The following ITIH3 variants were observed in gnomAD, a reference collection of about 807,000 sequenced individuals.
ITIH3 encodes the protein inter-alpha-trypsin inhibitor heavy chain 3.
Under a neutral mutation model 96.5 loss-of-function variants are expected in ITIH3, and 81 were observed. That is an observed-to-expected ratio of 0.84 (90% CI 0.70 to 1.01). ITIH3 has a LOEUF of 1.01. ITIH3 is among the 50% of genes least tolerant of loss of function. The pLI, the probability that ITIH3 is intolerant of heterozygous loss-of-function variation, is 0.00. For synonymous variants in ITIH3, 422 were observed against 445.2 expected, an observed-to-expected ratio of 0.95 and a Z score of 0.66; for missense variants, 1,057 against 1,139.3, an observed-to-expected ratio of 0.93 and a Z score of 1.04.
chr3:52,807,758 T>C lies in ITIH3; in HGVS notation c.2273T>C (p.Met758Thr). The C allele has an allele frequency of 6.2e-7, 1 of 1,610,960 alleles. No homozygotes were observed. The highest frequency in any genetic ancestry group is 8.5e-7 in the Non-Finnish European group (1 of 1,178,644). ...VTVTQDGLSM[M>T]INRKNMVVSF... ...GCTTCCTCTCGTAGGCTGTCCATGA[T>C]GATCAACAGGAAGAACATGGTGGTC... Residue 758 changes from methionine (M) to threonine (T), a missense_variant, in exon 20 of 22, where the codon ATG (methionine) becomes ACG (threonine). Met to Thr is a moderately conservative substitution (Grantham distance 81). Transcript: ENST00000449956.
intron 6 of ITIH3, among the ~76,000 whole-genome samples, chr3:52,798,372 G>T (rs1201059429): frequency 6.6e-6 from 1 of 152,210 alleles, no homozygotes; most frequent in Non-Finnish European, 1.5e-5. Flanking sequence ...AGTGGACAGT[G>T]GGTGAATAAA....
In ITIH3 at chr3:52,804,717, C is replaced by T; in HGVS notation, c.1865-9C>T. On this transcript the variant is annotated splice_polypyrimidine_tract_variant and intron_variant, in intron 14 of 21. Transcript: ENST00000449956. ...CATTTCTCTTCTTCCTCCCTTGCTG[C>T]ACCTGCAGATGCAGAAGGTAAGCCT... 1 of 1,584,800 alleles carries T rather than the reference C, an allele frequency of 6.3e-7. No individual in the cohort carries two copies. The highest frequency in any genetic ancestry group is 1.3e-5 in the African/African-American group (1 of 74,534).
Position 52,808,672 on chromosome 3 carries a change from C to T in ITIH3, c.2664C>T (p.Asn888=), listed in dbSNP as rs767019355. 4 of 1,609,536 alleles carry T rather than the reference C, an allele frequency of 2.5e-6. No individual in the cohort carries two copies. The African/African-American group carries it at 5.3e-5, about 22-fold the overall frequency. The stretch of plus-strand genomic sequence containing the variant: ...TCCACACTGACTACATTGTCCCCAA[C>T]CTGTTTTGAGTAGACACACCAGCTC... ...DGVHTDYIVP[N]LF is the part of the protein sequence containing the mutation. The change falls in exon 22 of 22, where the codon AAC becomes AAT. Residue 888 remains asparagine, a synonymous_variant. Coordinates refer to ENST00000449956, the MANE Select transcript of ITIH3 (RefSeq NM_002217.4).
At chr3:52,806,184 G>A (rs780908502) in intron 17 of ITIH3, 46 bp downstream of exon 17, 19 of 1,598,146 alleles carry the variant, frequency 1.2e-5, no homozygotes, top group South Asian at 6.7e-5. Context: ...GCCTGGGCAC[G>A]TGCTCCTGCC....
Position 52,796,823 on chromosome 3 carries a change from C to A in ITIH3, c.366C>A (p.Gly122=). The change falls in exon 4 of 22, where the codon GGC becomes GGA. Residue 122 remains glycine, a synonymous_variant. Coordinates refer to ENST00000449956, the MANE Select transcript of ITIH3 (RefSeq NM_002217.4). Reference sequence around the variant, plus strand: ...AGTATGAAAAGGCTGTGTCCCAGGGCAAGACGGCCGGCTTGGTCAAGTAAG... The same window carrying A: ...AGTATGAAAAGGCTGTGTCCCAGGGAAAGACGGCCGGCTTGGTCAAGTAAG... ...KKQYEKAVSQ[G]KTAGLVKASG... is the part of the protein sequence containing the mutation. 6.2e-7 allele frequency: 1 copy of A among 1,610,266 alleles called. No homozygotes were observed. The highest frequency in any genetic ancestry group is 8.5e-7 in the Non-Finnish European group (1 of 1,178,434).
At chr3:52,795,960 G>T in intron 2 of ITIH3, 2 of 336,310 alleles carry the variant, frequency 5.9e-6, no homozygotes, top group Non-Finnish European at 1.1e-5. Context: ...GGGGGAGGGG[G>T]CTGGAACACC....
At chr3:52,806,238 C>A in intron 17 of ITIH3, 55 bp from the exon 18 acceptor site, 1 of 1,596,784 alleles carries the variant, frequency 6.3e-7, no homozygotes, top group Admixed American at 1.7e-5. Flanking sequence ...CTGGGGGAGG[C>A]CCCAGGTATG....
chr3:52,799,988 AC>A (rs1164815106), intron 9 of ITIH3, 67 bp downstream of exon 9: 13 of 1,497,010 alleles, frequency 8.7e-6, no homozygotes, highest in Non-Finnish European at 1.2e-5. Flanking sequence ...GCAGCCTGCA[AC>A]CCCCCTCTTA....
Position 52,807,109 on chromosome 3 carries a change from A to G in ITIH3, c.2261+4A>G. 1 of 1,582,976 alleles carries G rather than the reference A, an allele frequency of 6.3e-7. No individual in the cohort carries two copies. Among genetic ancestry groups the G allele is most frequent in the Non-Finnish European group, 8.6e-7 (1 of 1,164,892 alleles). On this transcript the variant is annotated splice_donor_region_variant and intron_variant, in intron 19 of 21. Coordinates refer to ENST00000449956, the MANE Select transcript of ITIH3 (RefSeq NM_002217.4). ...CAGTCACAGTCACGCAGGATGGGTA[A>G]GCTCCCCTACAAGGTCTCCAAGGTG...
At position 52,802,722 on chromosome 3, in the gene ITIH3, C is replaced by A; in HGVS notation, c.1625C>A (p.Ala542Asp). ...EEVDMKEMEK[A>D]LQERDYIFGN... ...GTGGACATGAAGGAGATGGAGAAGG[C>A]CCTGCAGGAGCGGGACTACATCTTC... Residue 542 changes from alanine to aspartate, a missense_variant, in exon 13 of 22, where the codon GCC becomes GAC. By Grantham distance (126) the Ala-to-Asp change is moderately radical. Coordinates refer to ENST00000449956, the MANE Select transcript of ITIH3 (RefSeq NM_002217.4). The A allele has an allele frequency of 6.2e-7, 1 of 1,613,978 alleles. No individual in the cohort carries two copies. Among genetic ancestry groups the A allele is most frequent in the Non-Finnish European group, 8.5e-7 (1 of 1,179,874 alleles).
chr3:52,795,361 G>T (rs1248056677), intron 1 of ITIH3, among the ~76,000 whole-genome samples: 1 of 152,214 alleles, frequency 6.6e-6, no homozygotes, highest in East Asian at 1.9e-4. Flanking sequence ...AGTTCCCCCT[G>T]CCCTGCTCTC....
chr3:52,802,093 C>CTT (rs5848961), intron 11 of ITIH3: 2,584 of 407,152 alleles, frequency 6.3e-3, no homozygotes, highest in Middle Eastern at 0.013. Context: ...TTTCATATTT[C>CTT]TTTTTTTTTT....
At chr3:52,796,960 C>A in intron 4 of ITIH3, 117 bp downstream of exon 4, 2 of 1,210,560 alleles carry the variant, frequency 1.7e-6, no homozygotes, top group South Asian at 1.5e-5. Context: ...ATAATTTTGC[C>A]ATTATCCCAC....
At chr3:52,802,928 G>A in intron 13 of ITIH3, 122 bp downstream of exon 13, 4 of 1,198,064 alleles carry the variant, frequency 3.3e-6, no homozygotes, top group Non-Finnish European at 4.7e-6. Flanking sequence ...AGTGTCTGTA[G>A]AGCAGTCTGT....
intron 11 of ITIH3, 86 bp downstream of exon 11, chr3:52,801,232 T>C (rs1456898163): frequency 1.6e-6 from 2 of 1,226,142 alleles, no homozygotes; most frequent in Non-Finnish European, 2.2e-6. Flanking sequence ...TTCTAGTTAT[T>C]AGGAAGAGCT....
Position 52,801,062 on chromosome 3 carries a change from T to C in ITIH3, c.1299T>C (p.Tyr433=). 1.9e-6 allele frequency: 3 copies of C among 1,613,384 alleles called. No homozygotes were observed. Among genetic ancestry groups the C allele is most frequent in the Non-Finnish European group, 2.5e-6 (3 of 1,179,566 alleles). Residue 433 remains tyrosine (Y), a synonymous_variant, in exon 11 of 22, where the codon TAT becomes TAC. Coordinates refer to ENST00000449956, the MANE Select transcript of ITIH3 (RefSeq NM_002217.4). ...TGGGCTTTGGCAACAATCTGAATTA[T>C]AACTTCCTGGAGAACATGGCCCTGG... ...YNLGFGNNLN[Y]NFLENMALEN...
chr3:52,799,310 A>C (rs1699719896), intron 7 of ITIH3, 62 bp from the exon 8 acceptor site: 4 of 1,325,728 alleles, frequency 3.0e-6, no homozygotes. Context: ...TCTACCTGCA[A>C]GAATAGTCAA....
intron 17 of ITIH3, 66 bp from the exon 18 acceptor site, chr3:52,806,227 G>T (rs1223196794): frequency 6.3e-7 from 1 of 1,597,888 alleles, no homozygotes; most frequent in Non-Finnish European, 8.6e-7. Flanking sequence ...AGGCCAGAAG[G>T]CTGGGGGAGG....
In ITIH3 at chr3:52,799,105, C is replaced by G; in HGVS notation, c.789+14C>G. ...GGCAACGTGCAGGTACCCGGGCTGGCTGATTCATCATCAGGGTGGGGCGAG... is the reference window on the plus strand; with the variant it reads ...GGCAACGTGCAGGTACCCGGGCTGGGTGATTCATCATCAGGGTGGGGCGAG... On this transcript the variant is annotated intron_variant, in intron 7 of 21. Coordinates refer to ENST00000449956, the MANE Select transcript of ITIH3 (RefSeq NM_002217.4). 2.5e-6 allele frequency: 4 copies of G among 1,612,788 alleles called. No homozygotes were observed. Among genetic ancestry groups the G allele is most frequent in the Non-Finnish European group, 3.4e-6 (4 of 1,179,454 alleles).
Sources: allele counts gnomAD v4.1 joint callset (sites outside exome capture counted in the v4.1 genomes callset), GRCh38; gene constraint gnomAD v4.1.1; transcripts MANE v1.5; gene names NCBI Gene and HGNC (gene_info 2026-07-23, HGNC 2026-07-21).